The following ADGRB3 variants were observed in gnomAD, a reference collection of about 807,000 sequenced individuals.
ADGRB3 encodes the protein adhesion G protein-coupled receptor B3.
ADGRB3 carries 37 observed loss-of-function variants against 193.4 expected under a neutral mutation model. That is an observed-to-expected ratio of 0.19 (90% CI 0.15 to 0.25). The LOEUF is 0.25. Ranked by LOEUF, ADGRB3 falls within the 10% of genes least tolerant of loss-of-function variation. The pLI, the probability that ADGRB3 is intolerant of heterozygous loss-of-function variation, is 1.00. For missense variants in ADGRB3, 1,637 were observed against 1,852.9 expected (o/e 0.88, Z 2.14); for synonymous variants, 690 against 644.2 (o/e 1.07, Z -1.08).
intron 24 of ADGRB3, among the ~76,000 whole-genome samples, chr6:69,333,440 T>C (rs530661242): frequency 1.3e-5 from 2 of 152,212 alleles, no homozygotes; most frequent in South Asian, 2.1e-4. Flanking sequence ...CTTTGACTAA[T>C]TGTATATATC....
At chr6:69,354,605 T>C (rs1470963278) in intron 27 of ADGRB3, among the ~76,000 whole-genome samples, 1 of 152,204 alleles carries the variant, frequency 6.6e-6, no homozygotes, top group African/African-American at 2.4e-5. Flanking sequence ...TAATGATTTA[T>C]GCATAGGATC....
intron 3 of ADGRB3, among the ~76,000 whole-genome samples, chr6:68,786,475 G>T (rs907385000): frequency 5.1e-4 from 77 of 151,920 alleles, no homozygotes; most frequent in African/African-American, 1.8e-3. Context: ...GATATGCAGC[G>T]TTATTTCTGA....
intron 16 of ADGRB3, among the ~76,000 whole-genome samples, chr6:69,074,987 A>G (rs115342012): frequency 1.0e-3 from 157 of 152,330 alleles, no homozygotes; most frequent in African/African-American, 3.6e-3. Context: ...TGGGATGCCA[A>G]AATCAGGATT....
chr6:68,804,174 C>CT, intron 3 of ADGRB3, among the ~76,000 whole-genome samples: 1 of 152,292 alleles, frequency 6.6e-6, no homozygotes, highest in South Asian at 2.1e-4. Context: ...TTTTGCATAA[C>CT]TTTTGTAGTA....
chr6:69,108,232 A>G (rs1773268197), intron 17 of ADGRB3, among the ~76,000 whole-genome samples: 2 of 151,996 alleles, frequency 1.3e-5, no homozygotes, highest in African/African-American at 2.4e-5. Context: ...CCTCATTGCT[A>G]TTTCTCTCCC....
intron 17 of ADGRB3, among the ~76,000 whole-genome samples, chr6:69,103,210 A>G (rs1004953550): frequency 2.0e-5 from 3 of 152,198 alleles, no homozygotes; most frequent in Admixed American, 2.0e-4. Context: ...AACTTTAGAG[A>G]GAGTCCAAAT....
At chr6:68,889,507 A>ATT (rs10535990) in intron 3 of ADGRB3, among the ~76,000 whole-genome samples, 1 of 142,008 alleles carries the variant, frequency 7.0e-6, no homozygotes, top group African/African-American at 2.6e-5. Flanking sequence ...TTTCTCTTTT[A>ATT]TTTTTTTTTT....
chr6:68,866,770 T>C (rs1562063001), intron 3 of ADGRB3, among the ~76,000 whole-genome samples: 1 of 152,226 alleles, frequency 6.6e-6, no homozygotes, highest in African/African-American at 2.4e-5. Flanking sequence ...CTTGCTTTGC[T>C]TTAGCAAAAA....
At chr6:68,657,324 A>AAT (rs1768513237) in intron 3 of ADGRB3, among the ~76,000 whole-genome samples, 1 of 151,500 alleles carries the variant, frequency 6.6e-6, no homozygotes, top group African/African-American at 2.4e-5. Flanking sequence ...GCTATATATA[A>AAT]ATAAGCCTAG....
chr6:69,163,641 T>TG (rs1244060309), intron 17 of ADGRB3, among the ~76,000 whole-genome samples: 1 of 152,108 alleles, frequency 6.6e-6, no homozygotes, highest in Non-Finnish European at 1.5e-5. Flanking sequence ...GGCAGGTAGG[T>TG]GCCAGTCACC....
chr6:69,148,643 A>T (rs1774574800), intron 17 of ADGRB3, among the ~76,000 whole-genome samples: 1 of 152,142 alleles, frequency 6.6e-6, no homozygotes, highest in South Asian at 2.1e-4. Flanking sequence ...GTACCTTCAG[A>T]TGATTTCTTC....
intron 26 of ADGRB3, among the ~76,000 whole-genome samples, chr6:69,353,045 T>G (rs1769261693): frequency 6.6e-6 from 1 of 152,144 alleles, no homozygotes; most frequent in Non-Finnish European, 1.5e-5. Context: ...TGACATTGAC[T>G]TGGAATAAGT....
intron 20 of ADGRB3, among the ~76,000 whole-genome samples, chr6:69,273,809 A>C (rs544855140): frequency 6.6e-6 from 1 of 152,218 alleles, no homozygotes; most frequent in Non-Finnish European, 1.5e-5. Context: ...TCTGTGGTCT[A>C]CTGAGCTTTC....
intron 3 of ADGRB3, among the ~76,000 whole-genome samples, chr6:68,856,206 C>T (rs2127392812): frequency 6.6e-6 from 1 of 152,222 alleles, no homozygotes; most frequent in Non-Finnish European, 1.5e-5. Context: ...TCAGGTATGT[C>T]TTTATCAGCA....
intron 3 of ADGRB3, among the ~76,000 whole-genome samples, chr6:68,810,462 C>T (rs770628008): frequency 1.4e-4 from 22 of 152,192 alleles, no homozygotes; most frequent in Middle Eastern, 3.4e-3. Flanking sequence ...TGAGGCTGAG[C>T]GAACAGATGA....
At chr6:68,711,662 T>C (rs1275582380) in intron 3 of ADGRB3, among the ~76,000 whole-genome samples, 1 of 152,030 alleles carries the variant, frequency 6.6e-6, no homozygotes, top group Admixed American at 6.6e-5. Flanking sequence ...AAAACTGAGG[T>C]TGACTTGACT....
At chr6:68,733,649 G>A (rs546565528) in intron 3 of ADGRB3, among the ~76,000 whole-genome samples, 1 of 70,606 alleles carries the variant, frequency 1.4e-5, no homozygotes, top group East Asian at 4.9e-4. Context: ...GGATACCAGA[G>A]CTGGGAAGGC....
intron 11 of ADGRB3, among the ~76,000 whole-genome samples, chr6:69,012,122 T>A (rs1200689957): frequency 6.6e-6 from 1 of 152,120 alleles, no homozygotes; most frequent in Non-Finnish European, 1.5e-5. Context: ...CATCAAGGAA[T>A]TTTGTGTATG....
At chr6:68,924,080 G>C (rs570370964) in intron 3 of ADGRB3, among the ~76,000 whole-genome samples, 1 of 152,140 alleles carries the variant, frequency 6.6e-6, no homozygotes, top group South Asian at 2.1e-4. Context: ...AAGTAGAATT[G>C]TATTTGTCGT....
Sources: gnomAD v4.1 joint callset for allele counts (sites outside exome capture counted in the v4.1 genomes callset) on GRCh38, gnomAD v4.1.1 for gene constraint, MANE v1.5 for transcripts, NCBI Gene and HGNC (gene_info 2026-07-23, HGNC 2026-07-21) for gene names.